SBNO2: variants seen among roughly 807,000 people sequenced by gnomAD.
SBNO2 encodes the protein protein strawberry notch homolog 2.
SBNO2 carries 89 observed loss-of-function variants against 146.3 expected under a neutral mutation model. The observed-to-expected ratio is 0.61, with a 90% CI of 0.51 to 0.73. The LOEUF is 0.73. Among genes scored for constraint, SBNO2 ranks in the 30% least tolerant of loss-of-function variants. SBNO2 has a pLI of 0.00. For missense variants in SBNO2, 2,092 were observed against 2,003.7 expected (o/e 1.04, Z -0.84); for synonymous variants, 1,147 against 892.6 (o/e 1.29, Z -5.08).
intron 4 of SBNO2, among the ~76,000 whole-genome samples, chr19:1,129,140 G>A (rs1318946961): frequency 6.6e-6 from 1 of 152,098 alleles, no homozygotes; most frequent in Non-Finnish European, 1.5e-5. Flanking sequence ...GGTGGTGCGT[G>A]CCTGTAATCC....
At chr19:1,118,948 C>T (rs879105142) in intron 14 of SBNO2, 63 bp downstream of exon 14, 1 of 1,515,982 alleles carries the variant, frequency 6.6e-7, no homozygotes, top group Admixed American at 1.9e-5. Flanking sequence ...TCTGCAAGGC[C>T]ACGGGGGAGC....
intron 11 of SBNO2, among the ~76,000 whole-genome samples, chr19:1,121,146 C>T (rs2145220685): frequency 6.6e-6 from 1 of 152,320 alleles, no homozygotes. Context: ...GCCTCGGCCT[C>T]CCAAAGTGCT....
In SBNO2 at chr19:1,111,951, C is replaced by A. The variant is rs1182942450; in HGVS notation, c.2700+45G>T. 1.1e-5 allele frequency: 16 copies of A among 1,481,830 alleles called. 1 individual carries two copies. In the South Asian group the frequency reaches 1.7e-4, roughly 16 times the overall value. 91.8% of individuals were successfully genotyped at this position (1,481,830 alleles called of 1,614,324 possible). Reference sequence around the variant, plus strand: ...GCTCTTAGATCCGGCCCTCCCTAGACCCCTGCCCCTGCCCCGCCCCCCAAC... The same window carrying A: ...GCTCTTAGATCCGGCCCTCCCTAGAACCCTGCCCCTGCCCCGCCCCCCAAC... On this transcript the variant is annotated intron_variant, in intron 23 of 31. Transcript: ENST00000361757.
rs1352982956 is a variant in SBNO2, at chr19:1,140,537, G to A, written c.279+6772C>T. Among the ~76,000 whole-genome samples, 3 of 152,126 alleles carry A rather than the reference G, an allele frequency of 2.0e-5. No homozygotes were observed. The highest frequency in any genetic ancestry group is 1.9e-4 in the East Asian group (1 of 5,186). On this transcript the variant is annotated intron_variant, in intron 4 of 31. Coordinates refer to ENST00000361757, the MANE Select transcript of SBNO2 (RefSeq NM_014963.3). This position sits in a 1 kb window ranked among gnomAD's most constrained non-coding sequence, Gnocchi z 4.4. The stretch of plus-strand genomic sequence containing the variant: ...CCGGGCAAGGCACACACGTGACACC[G>A]CGGGAGCCCCGCAGCCCACGGTGGA...
chr19:1,111,539 C>T lies in SBNO2; in HGVS notation c.2776G>A (p.Gly926Arg). ...AAGGTGGGGACCCCTCCAGGGTATC[C>T]CTGGGGCACAGGCACTTTGTTCTCA... is the stretch of plus-strand genomic sequence containing the variant. ...QTENKVPVPQ[G>R]YPGGVPTFFR... is the part of the protein sequence containing the mutation. The change falls in exon 24 of 32, where the codon GGA (glycine) becomes AGA (arginine). Residue 926 changes from glycine (G) to arginine (R), a missense_variant. Physicochemically the swap from Gly to Arg is moderately radical, Grantham distance 125. Coordinates refer to ENST00000361757, the MANE Select transcript of SBNO2 (RefSeq NM_014963.3). The T allele has an allele frequency of 6.3e-7, 1 of 1,593,412 alleles. No individual in the cohort carries two copies. The highest frequency in any genetic ancestry group is 1.1e-5 in the South Asian group (1 of 87,396).
At chr19:1,127,821 C>CA in intron 4 of SBNO2, 56 bp from the exon 5 acceptor site, 2 of 1,556,538 alleles carry the variant, frequency 1.3e-6, no homozygotes, top group Non-Finnish European at 8.8e-7. Flanking sequence ...AAGGCCCCTC[C>CA]ACGCACTGGA....
At chr19:1,131,545 G>A (rs934502432) in intron 4 of SBNO2, among the ~76,000 whole-genome samples, 3 of 152,194 alleles carry the variant, frequency 2.0e-5, no homozygotes, top group Non-Finnish European at 4.4e-5. Flanking sequence ...ATGTGCTGCC[G>A]CTGCCCTGTG....
At chr19:1,118,634 C>T (rs1468297047) in intron 14 of SBNO2, among the ~76,000 whole-genome samples, 4 of 151,978 alleles carry the variant, frequency 2.6e-5, no homozygotes, top group East Asian at 1.9e-4. Context: ...TGTGGGAGGC[C>T]GAGGCGGGCA....
At chr19:1,134,816 G>A (rs984325852) in intron 4 of SBNO2, among the ~76,000 whole-genome samples, 1 of 152,108 alleles carries the variant, frequency 6.6e-6, no homozygotes, top group Non-Finnish European at 1.5e-5. Flanking sequence ...GGGAGGCCGA[G>A]GTGGGTGGAT....
In SBNO2 at chr19:1,109,042, C is replaced by G. The variant is rs2145181666; in HGVS notation, c.3426-73G>C. The G allele has an allele frequency of 6.7e-7, 1 of 1,501,480 alleles. No individual in the cohort carries two copies. The highest frequency in any genetic ancestry group is 1.3e-5 in the South Asian group (1 of 79,248). The allele number at this position is 1,501,480 out of a possible 1,614,324, so 93.0% of individuals were successfully genotyped here. On this transcript the variant is annotated intron_variant, in intron 30 of 31. Coordinates refer to ENST00000361757, the MANE Select transcript of SBNO2 (RefSeq NM_014963.3). This position sits in a 1 kb window ranked among gnomAD's most constrained non-coding sequence, Gnocchi z 4.2. ...GCAGGCTCCCCAGGTGCCCTGAGAT[C>G]TCCCGCCTCCTCTCAGGGTCTCGGG...
At chr19:1,134,631 CAG>C (rs900351901) in intron 4 of SBNO2, among the ~76,000 whole-genome samples, 1 of 152,078 alleles carries the variant, frequency 6.6e-6, no homozygotes, top group Admixed American at 6.5e-5. Context: ...TTCAGGTTAT[CAG>C]GGGGTGGGGA....
Position 1,107,977 on chromosome 19 carries a change from G to A in SBNO2, c.*243C>T, listed in dbSNP as rs980611601. On this transcript the variant is annotated 3_prime_UTR_variant, in exon 32 of 32. Coordinates refer to ENST00000361757, the MANE Select transcript of SBNO2 (RefSeq NM_014963.3). Reference sequence around the variant, plus strand: ...CCCAGTCCCAGAGCAGCCACCCGGAGCCCCTTCCTACTTGGGAGGAGAGGC... The same window carrying A: ...CCCAGTCCCAGAGCAGCCACCCGGAACCCCTTCCTACTTGGGAGGAGAGGC... 1.6e-5 allele frequency: 5 copies of A among 317,568 alleles called. No individual in the cohort carries two copies. The highest frequency in any genetic ancestry group is 4.5e-5 in the African/African-American group (2 of 44,680). The allele number at this position is 317,568 out of a possible 1,614,324, so 19.7% of individuals were successfully genotyped here. A position where few individuals can be genotyped will look rare whatever the true frequency, so the allele number is the denominator to read the frequency against.
Position 1,136,955 on chromosome 19 carries a change from G to A in SBNO2, c.280-9190C>T, listed in dbSNP as rs1284034116. ...CCCGGCAGGTGGAGAGGTCCTCACA[G>A]GACAGGTGGTGGGCAAGGGGGCAGC... On this transcript the variant is annotated intron_variant, in intron 4 of 31. Coordinates refer to ENST00000361757, the MANE Select transcript of SBNO2 (RefSeq NM_014963.3). The surrounding 1 kb of genome is among the most constrained non-coding windows in gnomAD (Gnocchi z 4.2). 1.3e-5 allele frequency among the ~76,000 whole-genome samples: 2 copies of A among 151,590 alleles called. No individual in the cohort carries two copies. The highest frequency in any genetic ancestry group is 4.9e-5 in the African/African-American group (2 of 41,160).
rs1190036324 is a variant in SBNO2 at position 1,112,583 on chromosome 19, C to G, written c.2380-46G>C. 1 of 1,530,090 alleles carries G rather than the reference C, an allele frequency of 6.5e-7. No individual in the cohort carries two copies. The highest frequency in any genetic ancestry group is 8.7e-7 in the Non-Finnish European group (1 of 1,143,348). The allele number at this position is 1,530,090 out of a possible 1,614,324, so 94.8% of individuals were successfully genotyped here. ...GGGACACGGTTGGTGCAAGGCCCGC[C>G]CCAGCGTTGCCGCCACCTCCTCACC... On this transcript the variant is annotated intron_variant, in intron 20 of 31. Coordinates refer to ENST00000361757, the MANE Select transcript of SBNO2 (RefSeq NM_014963.3). The surrounding 1 kb of genome is among the most constrained non-coding windows in gnomAD (Gnocchi z 5.9).
In SBNO2 at chr19:1,109,110, C is replaced by T; in HGVS notation, c.3425+25G>A. The stretch of plus-strand genomic sequence containing the variant: ...TGGGTCGCCGCCATCTGCCGGTTTC[C>T]CCCTGGTCCCCGGCCCGCCCTCACC... On this transcript the variant is annotated intron_variant, in intron 30 of 31. Coordinates refer to ENST00000361757, the MANE Select transcript of SBNO2 (RefSeq NM_014963.3). This position sits in a 1 kb window ranked among gnomAD's most constrained non-coding sequence, Gnocchi z 4.2. The T allele has an allele frequency of 6.5e-7, 1 of 1,547,418 alleles. No individual in the cohort carries two copies. The highest frequency in any genetic ancestry group is 2.0e-5 in the Admixed American group (1 of 50,902).
intron 2 of SBNO2, among the ~76,000 whole-genome samples, chr19:1,152,945 G>A (rs1163617728): frequency 1.3e-5 from 2 of 152,052 alleles, no homozygotes; most frequent in African/African-American, 4.8e-5. Flanking sequence ...CTGAGCCCGG[G>A]AGTTTGAGAC....
In SBNO2 at chr19:1,144,935, CAGAG is replaced by C. The variant is rs2080174789; in HGVS notation, c.279+2370_279+2373del. On this transcript the variant is annotated intron_variant, in intron 4 of 31. Transcript: ENST00000361757. This position sits in a 1 kb window ranked among gnomAD's most constrained non-coding sequence, Gnocchi z 4.1. ...GGAGACAGAGACAGAGAGACAGAGACAGAGAGGGAGACAGAGACAAAGAGGGAGA... is the reference window on the plus strand; with the variant it reads ...GGAGACAGAGACAGAGAGACAGAGACAGGGAGACAGAGACAAAGAGGGAGA... Among the ~76,000 whole-genome samples, 4 of 138,998 alleles carry C rather than the reference CAGAG, an allele frequency of 2.9e-5. No homozygotes were observed. In the Admixed American group the frequency reaches 2.9e-4, roughly 10 times the overall value. The allele number at this position is 138,998 out of a possible 152,430, so 91.2% of individuals were successfully genotyped here. A position where few individuals can be genotyped will look rare whatever the true frequency, so the allele number is the denominator to read the frequency against.
chr19:1,166,966 A>C (rs1269255282), intron 1 of SBNO2, among the ~76,000 whole-genome samples: 2 of 152,198 alleles, frequency 1.3e-5, no homozygotes, highest in Non-Finnish European at 2.9e-5. Flanking sequence ...AAGTGGCTCG[A>C]CCGGTCACCA....
At chr19:1,127,980 A>AT (rs1568587813) in intron 4 of SBNO2, among the ~76,000 whole-genome samples, 1 of 151,758 alleles carries the variant, frequency 6.6e-6, no homozygotes, top group African/African-American at 2.4e-5. Flanking sequence ...TGCCCAGCTA[A>AT]TTTTTTTGTA....
Sources: gnomAD v4.1 joint callset for allele counts (sites outside exome capture counted in the v4.1 genomes callset) on GRCh38, gnomAD v4.1.1 for gene constraint, Gnocchi (gnomAD v3.1) non-coding constraint, MANE v1.5 for transcripts, NCBI Gene and HGNC (gene_info 2026-07-23, HGNC 2026-07-21) for gene names.